The following ITPR2 variants were observed in gnomAD, a reference collection of about 807,000 sequenced individuals.
The protein encoded by ITPR2 is inositol 1,4,5-trisphosphate receptor type 2, also known as inositol 1,4,5-trisphosphate-gated calcium channel ITPR2.
ITPR2 carries 207 observed loss-of-function variants against 317.1 expected under a neutral mutation model. That is an observed-to-expected ratio of 0.65 (90% CI 0.58 to 0.73). The LOEUF (loss-of-function observed/expected upper bound fraction) is 0.73, where lower values mean the gene tolerates loss of function less well. Ranked by LOEUF, ITPR2 falls within the 30% of genes least tolerant of loss-of-function variation. The pLI, the probability that ITPR2 is intolerant of heterozygous loss-of-function variation, is 0.00. For missense variants in ITPR2, 2,613 were observed against 3,284.0 expected, an observed-to-expected ratio of 0.80 and a Z score of 4.99; for synonymous variants, 1,156 against 1,149.1, an observed-to-expected ratio of 1.01 and a Z score of -0.12.
chr12:26,792,928 T>G (rs1343250560), intron 1 of ITPR2, among the ~76,000 whole-genome samples: 1 of 152,178 alleles, frequency 6.6e-6, no homozygotes, highest in Non-Finnish European at 1.5e-5. Flanking sequence ...CTAGAGACTA[T>G]CCACATGAGT....
At chr12:26,421,617 A>G (rs540422483) in intron 49 of ITPR2, among the ~76,000 whole-genome samples, 1 of 152,368 alleles carries the variant, frequency 6.6e-6, no homozygotes, top group South Asian at 2.1e-4. Flanking sequence ...ATGTCATAAA[A>G]AAGTTGACAT....
At position 26,693,561 on chromosome 12, in the gene ITPR2, G is replaced by T. The variant is rs1318808647; in HGVS notation, c.996+2045C>A. ...TCCTATATACTTTAAATTACCTGTAGATTAGTCATAATATCTAATACAATC... is the reference window on the plus strand; with the variant it reads ...TCCTATATACTTTAAATTACCTGTATATTAGTCATAATATCTAATACAATC... On this transcript the variant is annotated intron_variant, in intron 10 of 56. Transcript: ENST00000381340. Among the ~76,000 whole-genome samples the T allele has an allele frequency of 2.6e-5, 4 of 152,168 alleles. No homozygotes were observed. The South Asian group carries it at 6.2e-4, about 24-fold the overall frequency.
At chr12:26,651,016 T>C (rs7969023) in intron 21 of ITPR2, among the ~76,000 whole-genome samples, 52,241 of 152,084 alleles carry the variant, frequency 0.34, 9,419 homozygotes, top group Non-Finnish European at 0.41. Context: ...CTTTCGTGGT[T>C]CCTCTCTGAA....
intron 1 of ITPR2, among the ~76,000 whole-genome samples, chr12:26,826,999 AAGG>A (rs1213063884): frequency 6.6e-6 from 1 of 152,218 alleles, no homozygotes; most frequent in Non-Finnish European, 1.5e-5. Flanking sequence ...GAAAAAATGG[AAGG>A]AGGAGAAAGG....
At chr12:26,488,053 C>A (rs887890258) in intron 39 of ITPR2, among the ~76,000 whole-genome samples, 3 of 151,936 alleles carry the variant, frequency 2.0e-5, no homozygotes, top group African/African-American at 7.3e-5. Context: ...CTGCTCAATG[C>A]CTTATGGAAG....
At chr12:26,572,163 G>T (rs1945178348) in intron 34 of ITPR2, among the ~76,000 whole-genome samples, 1 of 152,104 alleles carries the variant, frequency 6.6e-6, no homozygotes, top group Non-Finnish European at 1.5e-5. Flanking sequence ...TGTTTTTAAA[G>T]AATTGCTGAA....
At chr12:26,780,234 G>A (rs779046950) in intron 2 of ITPR2, among the ~76,000 whole-genome samples, 1 of 152,164 alleles carries the variant, frequency 6.6e-6, no homozygotes, top group African/African-American at 2.4e-5. Context: ...CCTTCGATAT[G>A]GCACCATTCC....
chr12:26,567,975 ATAT>A (rs1364162887), intron 34 of ITPR2, among the ~76,000 whole-genome samples: 2 of 9,112 alleles, frequency 2.2e-4, no homozygotes, highest in East Asian at 9.6e-4. Context: ...TATATTATAT[ATAT>A]TATATATATA....
intron 10 of ITPR2, among the ~76,000 whole-genome samples, chr12:26,694,189 C>T (rs1324055800): frequency 1.3e-5 from 2 of 152,178 alleles, no homozygotes; most frequent in South Asian, 4.1e-4. Flanking sequence ...TCAGACAAGG[C>T]CACTCTGTGA....
At chr12:26,542,308 T>C (rs577888808) in intron 37 of ITPR2, among the ~76,000 whole-genome samples, 4 of 152,198 alleles carry the variant, frequency 2.6e-5, no homozygotes, top group Non-Finnish European at 5.9e-5. Context: ...GTTATTTAGT[T>C]TTGTAACTGA....
chr12:26,610,639 A>T (rs1946241272), intron 26 of ITPR2, among the ~76,000 whole-genome samples: 1 of 152,256 alleles, frequency 6.6e-6, no homozygotes, highest in African/African-American at 2.4e-5. Context: ...AATACTAAAA[A>T]TGTCAACCAA....
intron 42 of ITPR2, among the ~76,000 whole-genome samples, chr12:26,481,471 C>T (rs554859699): frequency 1.1e-4 from 17 of 152,276 alleles, no homozygotes; most frequent in Admixed American, 2.6e-4. Context: ...GCATGAAGCA[C>T]GTATCTTTTA....
chr12:26,336,965 C>T lies in ITPR2; in HGVS notation c.*2432G>A, dbSNP rs923591235. ...TGAAAAGTGCCTTTTTTGTCTGCTT[C>T]GATTTTTTGTTGCTGTTTTTTTTTT... is the stretch of plus-strand genomic sequence containing the variant. On this transcript the variant is annotated 3_prime_UTR_variant, in exon 57 of 57. Coordinates refer to ENST00000381340, the MANE Select transcript of ITPR2 (RefSeq NM_002223.4). 8.3e-5 allele frequency: 9 copies of T among 107,800 alleles called. No homozygotes were observed. Among genetic ancestry groups the T allele is most frequent in the South Asian group, 3.6e-4 (1 of 2,744 alleles). The allele number at this position is 107,800 out of a possible 1,614,324, so 6.7% of individuals were successfully genotyped here. A position where few individuals can be genotyped will look rare whatever the true frequency, so the allele number is the denominator to read the frequency against.
In ITPR2 at chr12:26,572,061, T is replaced by A. The variant is rs184118533; in HGVS notation, c.4630+6652A>T. Among the ~76,000 whole-genome samples the A allele has an allele frequency of 3.3e-5, 5 of 152,354 alleles. No individual in the cohort carries two copies. In the East Asian group the frequency reaches 9.6e-4, roughly 29 times the overall value. The stretch of plus-strand genomic sequence containing the variant: ...CTTATAAACAAAGTACTCTCTTGAC[T>A]TTGTTGCATTTTAAATATGCATATC... On this transcript the variant is annotated intron_variant, in intron 34 of 56. Transcript: ENST00000381340.
At chr12:26,636,228 C>T (rs1161696855) in intron 21 of ITPR2, among the ~76,000 whole-genome samples, 4 of 152,194 alleles carry the variant, frequency 2.6e-5, no homozygotes, top group African/African-American at 9.7e-5. Flanking sequence ...ATAGGTAGAC[C>T]TCTTCTGGCC....
chr12:26,676,910 G>T (rs1236117720), intron 13 of ITPR2, among the ~76,000 whole-genome samples: 1 of 152,020 alleles, frequency 6.6e-6, no homozygotes, highest in Non-Finnish European at 1.5e-5. Flanking sequence ...TTTTACAAAT[G>T]AAGAGAATAA....
chr12:26,512,496 G>A (rs6487557), intron 37 of ITPR2, among the ~76,000 whole-genome samples: 8,684 of 152,232 alleles, frequency 0.057, 384 homozygotes, highest in African/African-American at 0.12. Context: ...ATCGTGTATC[G>A]AGTGAAAGGC....
intron 55 of ITPR2, among the ~76,000 whole-genome samples, chr12:26,342,147 CTG>C (rs772606067): frequency 6.6e-6 from 1 of 152,058 alleles, no homozygotes; most frequent in Non-Finnish European, 1.5e-5. Flanking sequence ...ACACAGCATG[CTG>C]TGTCTCTCTG....
chr12:26,412,938 A>T (rs562860530), intron 51 of ITPR2, among the ~76,000 whole-genome samples: 1 of 152,290 alleles, frequency 6.6e-6, no homozygotes, highest in African/African-American at 2.4e-5. Context: ...TGGAATGAGT[A>T]ATTTGGGCAG....
Sources: gnomAD v4.1 joint callset for allele counts (sites outside exome capture counted in the v4.1 genomes callset) on GRCh38, gnomAD v4.1.1 for gene constraint, MANE v1.5 for transcripts, NCBI Gene and HGNC (gene_info 2026-07-23, HGNC 2026-07-21) for gene names.